PLA2G4F: variants seen among roughly 807,000 people sequenced by gnomAD.
PLA2G4F encodes cytosolic phospholipase A2 zeta.
A neutral mutation model predicts 103.1 loss-of-function variants in PLA2G4F; 105 were observed. The observed-to-expected ratio is 1.02, with a 90% CI of 0.87 to 1.20. The LOEUF is 1.20. Ranked by LOEUF, PLA2G4F falls within the 50% of genes most tolerant of loss-of-function variation. The probability of loss-of-function intolerance (pLI) is 0.00; values close to 1 mark genes in which losing one functional copy is unlikely to be tolerated. For synonymous variants in PLA2G4F, 468 were observed against 441.1 expected (o/e 1.06, Z -0.76); for missense variants, 1,155 against 1,075.9 (o/e 1.07, Z -1.03).
chr15:42,141,070 G>A lies in PLA2G4F; in HGVS notation c.*914C>T. 2.8e-6 allele frequency: 1 copy of A among 360,166 alleles called. No homozygotes were observed. Among genetic ancestry groups the A allele is most frequent in the Non-Finnish European group, 5.6e-6 (1 of 179,544 alleles). 22.3% of individuals were successfully genotyped at this position (360,166 alleles called of 1,614,324 possible). ...CATCTGGGAAAGAGGCAAGAGCCCA[G>A]GCGAGGCTCCCTCTGCACTGCCCAT... On this transcript the variant is annotated 3_prime_UTR_variant, in exon 20 of 20. Transcript: ENST00000397272.
chr15:42,147,637 A>G lies in PLA2G4F; in HGVS notation c.1185T>C (p.Ser395=). The stretch of plus-strand genomic sequence containing the variant: ...CCCACCTCACTTACCAGGTAGACCC[A>G]GAGACCCCACTCAGGTAGGTCACAG... The part of the protein sequence containing the change: ...LDTVTYLSGV[S]GSTWCISTLY... Residue 395 remains serine, a synonymous_variant, in exon 12 of 20, where the codon TCT becomes TCC. Transcript: ENST00000397272. 3.1e-6 allele frequency: 5 copies of G among 1,614,046 alleles called. No individual in the cohort carries two copies. Among genetic ancestry groups the G allele is most frequent in the Non-Finnish European group, 4.2e-6 (5 of 1,179,978 alleles).
In PLA2G4F at chr15:42,144,434, C is replaced by A. The variant is rs2048858669; in HGVS notation, c.1975+16G>T. On this transcript the variant is annotated intron_variant, in intron 17 of 19. Transcript: ENST00000397272. ...GGAAGGGAAGCCCCCCATCTCCCAC[C>A]CAAGGCAGCACCCACCTTTCCAGGC... The A allele has an allele frequency of 3.7e-6, 6 of 1,611,474 alleles. No individual in the cohort carries two copies. The highest frequency in any genetic ancestry group is 1.7e-6 in the Non-Finnish European group (2 of 1,179,662).
At chr15:42,142,755 C>T in intron 18 of PLA2G4F, 41 bp from the exon 19 acceptor site, 1 of 1,606,614 alleles carries the variant, frequency 6.2e-7, no homozygotes, top group Non-Finnish European at 8.5e-7. Context: ...TTCCTCCACC[C>T]TGGCCACTCC....
intron 2 of PLA2G4F, among the ~76,000 whole-genome samples, chr15:42,154,962 C>T (rs1362500260): frequency 6.6e-6 from 1 of 151,902 alleles, no homozygotes; most frequent in African/African-American, 2.4e-5. Flanking sequence ...CTCTTGCACT[C>T]ATGCACGCAC....
At chr15:42,154,273 C>T in intron 3 of PLA2G4F, 49 bp downstream of exon 3, 1 of 1,611,384 alleles carries the variant, frequency 6.2e-7, no homozygotes, top group Non-Finnish European at 8.5e-7. Context: ...AGGAGGGTAG[C>T]TGCCTGAGGA....
intron 11 of PLA2G4F, 75 bp from the exon 12 acceptor site, chr15:42,147,837 A>C: frequency 1.3e-6 from 2 of 1,572,254 alleles, no homozygotes; most frequent in Non-Finnish European, 1.7e-6. Context: ...TACATGTAGG[A>C]CATTATTCTA....
At chr15:42,144,897 T>C (rs954768415) in intron 16 of PLA2G4F, among the ~76,000 whole-genome samples, 1 of 150,406 alleles carries the variant, frequency 6.6e-6, no homozygotes, top group African/African-American at 2.5e-5. Flanking sequence ...TCACCCTTCC[T>C]AAAATAAAGT....
chr15:42,142,502 A>G, intron 19 of PLA2G4F, 26 bp downstream of exon 19: 9 of 1,592,762 alleles, frequency 5.7e-6, no homozygotes, highest in Non-Finnish European at 7.7e-6. Flanking sequence ...TCTGTGGGTC[A>G]GTCCCAGGCC....
At chr15:42,142,436 G>A in intron 19 of PLA2G4F, 92 bp downstream of exon 19, 2 of 1,430,042 alleles carry the variant, frequency 1.4e-6, no homozygotes, top group Non-Finnish European at 9.5e-7. Context: ...GGCGTGCTTA[G>A]TGACATTCTC....
chr15:42,154,493 G>A (rs371989485), intron 2 of PLA2G4F, 35 bp from the exon 3 acceptor site: 1 of 1,518,626 alleles, frequency 6.6e-7, no homozygotes, highest in Non-Finnish European at 8.8e-7. Context: ...GGGGCCTCAA[G>A]CTCTCATTGC....
chr15:42,143,295 G>A (rs538972181), intron 18 of PLA2G4F, among the ~76,000 whole-genome samples: 1 of 151,688 alleles, frequency 6.6e-6, no homozygotes, highest in South Asian at 2.1e-4. Context: ...TTCCGCCATG[G>A]TCCTCCAGGA....
At chr15:42,149,275 T>G in intron 11 of PLA2G4F, 1 of 707,406 alleles carries the variant, frequency 1.4e-6, no homozygotes. Flanking sequence ...CTTCAACTGA[T>G]AGGACTGGGG....
Position 42,147,710 on chromosome 15 carries a change from G to A in PLA2G4F, c.1112C>T (p.Ser371Phe). 6.2e-7 allele frequency: 1 copy of A among 1,614,022 alleles called. No individual in the cohort carries two copies. The highest frequency in any genetic ancestry group is 1.1e-5 in the South Asian group (1 of 91,070). The change falls in exon 12 of 20, where the codon TCT becomes TTT. Residue 371 changes from serine to phenylalanine, a missense_variant. Ser to Phe is a radical substitution (Grantham distance 155). Around this residue, in one of 3 missense-constraint regions of PLA2G4F, gnomAD observed 782 missense variants for 692.9 expected, o/e 1.13. Transcript: ENST00000397272. ...CAACCCTGCCAGGCTGCCGTACAGA[G>A]AAGACATGGCTCGGGTTCCACCCCC... ...GSGGGTRAMS[S>F]LYGSLAGLQE...
Position 42,154,353 on chromosome 15 carries a change from GTC to G in PLA2G4F, c.288_289del (p.Glu96AspfsTer20), listed in dbSNP as rs781746130. The stretch of plus-strand genomic sequence containing the variant: ...AGCACCATGGATCTGGTAGTGGAAG[GTC>G]TCATTCCACTCGGGGTCACTGCAGT... On this transcript the variant is annotated frameshift_variant, in exon 3 of 20. Coordinates refer to ENST00000397272, the MANE Select transcript of PLA2G4F (RefSeq NM_213600.4). LOFTEE classifies it high-confidence loss of function. 1.1e-5 allele frequency: 17 copies of G among 1,611,220 alleles called. No individual in the cohort carries two copies. In the South Asian group the frequency reaches 1.9e-4, roughly 18 times the overall value.
In PLA2G4F at chr15:42,144,055, A is replaced by T. The variant is rs372373518; in HGVS notation, c.2065T>A (p.Phe689Ile). The T allele has an allele frequency of 1.1e-5, 18 of 1,613,972 alleles. No homozygotes were observed. Among genetic ancestry groups the T allele is most frequent in the Non-Finnish European group, 1.5e-5 (18 of 1,179,998 alleles). ...VDGGFAINSPFPLALLPQRAV... is the reference protein window; with the variant it reads ...VDGGFAINSPIPLALLPQRAV... ...CTCTGAGGCAGCAGAGCCAGTGGGA[A>T]CGGAGAGTTGATGGCAAAGCCTCCG... is the stretch of plus-strand genomic sequence containing the variant. The change falls in exon 18 of 20, where the codon TTC (phenylalanine) becomes ATC (isoleucine). Residue 689 changes from phenylalanine to isoleucine, a missense_variant. Around this residue, in one of 3 missense-constraint regions of PLA2G4F, gnomAD observed 782 missense variants for 692.9 expected, o/e 1.13. Coordinates refer to ENST00000397272, the MANE Select transcript of PLA2G4F (RefSeq NM_213600.4).
intron 7 of PLA2G4F, among the ~76,000 whole-genome samples, chr15:42,151,881 A>T (rs2048965496): frequency 6.6e-6 from 1 of 152,176 alleles, no homozygotes; most frequent in Non-Finnish European, 1.5e-5. Flanking sequence ...GAGGATACTG[A>T]TTGTGCCTGC....
intron 18 of PLA2G4F, 119 bp downstream of exon 18, chr15:42,143,859 G>A (rs1299796044): frequency 1.1e-5 from 14 of 1,321,828 alleles, no homozygotes; most frequent in Non-Finnish European, 1.4e-5. Flanking sequence ...TCCACAAAGG[G>A]CAATCCCCAC....
chr15:42,149,220 G>A (rs1472560652), intron 11 of PLA2G4F: 1 of 939,816 alleles, frequency 1.1e-6, no homozygotes, highest in East Asian at 1.2e-4. Context: ...TTTGGAAACA[G>A]GGCCTACAAG....
At chr15:42,146,371 T>C (rs2141128946) in intron 13 of PLA2G4F, 130 bp from the exon 14 acceptor site, 1 of 813,430 alleles carries the variant, frequency 1.2e-6, no homozygotes, top group East Asian at 2.7e-5. Context: ...AGGCCAGTGC[T>C]GTAAGGACAG....
Sources: gnomAD v4.1 joint callset for allele counts (sites outside exome capture counted in the v4.1 genomes callset) on GRCh38, gnomAD v4.1.1 for gene constraint, gnomAD v4.1.1 regional missense constraint, MANE v1.5 for transcripts, NCBI Gene and HGNC (gene_info 2026-07-23, HGNC 2026-07-21) for gene names.